The following KIAA0232 variants were observed in gnomAD, a reference collection of about 807,000 sequenced individuals.
KIAA0232 encodes the protein KIAA0232.
KIAA0232 carries 27 observed loss-of-function variants against 122.0 expected under a neutral mutation model. The ratio of observed to expected loss-of-function variants is 0.22; its 90% CI spans 0.16 to 0.31. The LOEUF (loss-of-function observed/expected upper bound fraction) is 0.31, where lower values mean the gene tolerates loss of function less well. KIAA0232 is among the 10% of genes least tolerant of loss of function. The probability of loss-of-function intolerance (pLI) is 1.00; values close to 1 mark genes in which losing one functional copy is unlikely to be tolerated. For synonymous variants in KIAA0232, 613 were observed against 587.6 expected, an observed-to-expected ratio of 1.04 and a Z score of -0.63; for missense variants, 1,551 against 1,634.2, an observed-to-expected ratio of 0.95 and a Z score of 0.88.
chr4:6,864,137 T>G lies in KIAA0232; in HGVS notation c.3755T>G (p.Phe1252Cys), dbSNP rs761983498. The G allele has an allele frequency of 6.2e-7, 1 of 1,613,954 alleles. No individual in the cohort carries two copies. The highest frequency in any genetic ancestry group is 1.3e-5 in the African/African-American group (1 of 74,916). ...TGTGGTTGCAAAGCAGGTTGTCAGT[T>G]TCCTGCTTATGAAGATAATCCAGTT... is the stretch of plus-strand genomic sequence containing the variant. ...NFCGCKAGCQ[F>C]PAYEDNPVSS... is the part of the protein sequence containing the mutation. Residue 1252 changes from phenylalanine to cysteine, a missense_variant, in exon 7 of 10, where the codon TTT becomes TGT. Coordinates refer to ENST00000307659, the MANE Select transcript of KIAA0232 (RefSeq NM_014743.3).
chr4:6,786,205 A>G (rs1468665746), intron 1 of KIAA0232, among the ~76,000 whole-genome samples: 1 of 152,230 alleles, frequency 6.6e-6, no homozygotes, highest in Non-Finnish European at 1.5e-5. Flanking sequence ...AATGTTTGCT[A>G]AATAAAGTCA....
At chr4:6,834,387 G>A (rs1719157427) in intron 3 of KIAA0232, among the ~76,000 whole-genome samples, 1 of 152,196 alleles carries the variant, frequency 6.6e-6, no homozygotes. Flanking sequence ...TAAGTGCTCA[G>A]TAAATATTGA....
intron 1 of KIAA0232, among the ~76,000 whole-genome samples, chr4:6,800,749 G>A (rs1717353308): frequency 6.6e-6 from 1 of 152,122 alleles, no homozygotes; most frequent in African/African-American, 2.4e-5. Flanking sequence ...TGTAAATGAA[G>A]TAAGCAGAAT....
intron 3 of KIAA0232, among the ~76,000 whole-genome samples, chr4:6,837,708 T>A (rs146375936): frequency 1.2e-3 from 186 of 152,318 alleles, no homozygotes; most frequent in African/African-American, 3.8e-3. Flanking sequence ...GGTCAGAAGC[T>A]GGAGACCAGC....
intron 8 of KIAA0232, among the ~76,000 whole-genome samples, chr4:6,875,926 T>G (rs1370341773): frequency 6.6e-6 from 1 of 152,170 alleles, no homozygotes; most frequent in Non-Finnish European, 1.5e-5. Flanking sequence ...TTTCAGAAAG[T>G]GCCCAGCCCC....
At chr4:6,808,226 GT>G (rs1221364146) in intron 2 of KIAA0232, among the ~76,000 whole-genome samples, 1 of 151,760 alleles carries the variant, frequency 6.6e-6, no homozygotes, top group Non-Finnish European at 1.5e-5. Flanking sequence ...TCAAATATCT[GT>G]TTTCTTTATG....
In KIAA0232 at chr4:6,857,508, T is replaced by G. The variant is rs111777937; in HGVS notation, c.436+278T>G. Among the ~76,000 whole-genome samples the G allele has an allele frequency of 6.6e-3, 999 of 152,252 alleles. 8 individuals are homozygous for G. The highest frequency in any genetic ancestry group is 0.023 in the African/African-American group (937 of 41,528). On this transcript the variant is annotated intron_variant, in intron 5 of 9. Coordinates refer to ENST00000307659, the MANE Select transcript of KIAA0232 (RefSeq NM_014743.3). Reference sequence around the variant, plus strand: ...GAAACACTTCATGGTTTTCTGTTTTTTGGGTTTTTTTAATTGTTGTTGGCT... The same window carrying G: ...GAAACACTTCATGGTTTTCTGTTTTGTGGGTTTTTTTAATTGTTGTTGGCT...
At position 6,880,875 on chromosome 4, in the gene KIAA0232, C is replaced by G. The variant is rs751449236; in HGVS notation, c.4097C>G (p.Ala1366Gly). Residue 1366 changes from alanine (A) to glycine (G), a missense_variant, in exon 10 of 10, where the codon GCC (alanine) becomes GGC (glycine). Physicochemically the swap from Ala to Gly is moderately conservative, Grantham distance 60. This residue lies in a region of KIAA0232 where 1,108 missense variants were observed against 1,154.8 expected (regional missense o/e 0.96). Coordinates refer to ENST00000307659, the MANE Select transcript of KIAA0232 (RefSeq NM_014743.3). Reference protein sequence around the residue: ...DGFRGKMCSSASSTSEETGSE... With the variant: ...DGFRGKMCSSGSSTSEETGSE... ...TTCCGCGGAAAGATGTGCTCCAGCG[C>G]CAGCTCCACCTCGGAAGAGACAGGC... 6.2e-7 allele frequency: 1 copy of G among 1,607,192 alleles called. No individual in the cohort carries two copies. The highest frequency in any genetic ancestry group is 1.3e-5 in the African/African-American group (1 of 74,854).
In KIAA0232 at chr4:6,824,307, G is replaced by A; in HGVS notation, c.-147G>A. 1 of 682,426 alleles carries A rather than the reference G, an allele frequency of 1.5e-6. No individual in the cohort carries two copies. The allele number at this position is 682,426 out of a possible 1,614,324, so 42.3% of individuals were successfully genotyped here. ...GCCTGAAGAGGGAAAGTCTGTTTTA[G>A]GTGGCTGACTACCAGCAAAAATAAA... On this transcript the variant is annotated 5_prime_UTR_variant, in exon 3 of 10. Transcript: ENST00000307659.
intron 3 of KIAA0232, 51 bp downstream of exon 3, chr4:6,824,735 T>A: frequency 6.8e-7 from 1 of 1,466,766 alleles, no homozygotes; most frequent in Non-Finnish European, 9.5e-7. Flanking sequence ...TCTGTATGTA[T>A]ACATTCCTCT....
At chr4:6,851,968 A>G (rs890193357) in intron 4 of KIAA0232, among the ~76,000 whole-genome samples, 1 of 152,100 alleles carries the variant, frequency 6.6e-6, no homozygotes, top group Non-Finnish European at 1.5e-5. Context: ...CCTTTTTCTA[A>G]GCCTCGATTG....
In KIAA0232 at chr4:6,862,331, T is replaced by A. The variant is rs1050771440; in HGVS notation, c.1949T>A (p.Val650Glu). 5 of 1,614,162 alleles carry A rather than the reference T, an allele frequency of 3.1e-6. No homozygotes were observed. The highest frequency in any genetic ancestry group is 3.4e-6 in the Non-Finnish European group (4 of 1,180,022). ...TCTGGTATAAACTCTTGTTTTTCAGTGTTTGAAGTGCAATGCAGTAATTCT... is the reference window on the plus strand; with the variant it reads ...TCTGGTATAAACTCTTGTTTTTCAGAGTTTGAAGTGCAATGCAGTAATTCT... ...EGSGINSCFS[V>E]FEVQCSNSVL... The change falls in exon 7 of 10, where the codon GTG becomes GAG. Residue 650 changes from valine (V) to glutamate (E), a missense_variant. By Grantham distance (121) the Val-to-Glu change is moderately radical (BLOSUM62 -2). This residue lies in a region of KIAA0232 where 1,108 missense variants were observed against 1,154.8 expected (regional missense o/e 0.96). Transcript: ENST00000307659.
At chr4:6,817,954 A>T (rs917413257) in intron 2 of KIAA0232, among the ~76,000 whole-genome samples, 96 of 152,264 alleles carry the variant, frequency 6.3e-4, no homozygotes, top group African/African-American at 1.3e-3. Flanking sequence ...TTTTGCGCCA[A>T]AATCTACTTT....
At chr4:6,836,960 G>T (rs963805911) in intron 3 of KIAA0232, among the ~76,000 whole-genome samples, 1 of 152,154 alleles carries the variant, frequency 6.6e-6, no homozygotes, top group Non-Finnish European at 1.5e-5. Flanking sequence ...ACACAGACAC[G>T]GTAACAATCT....
At chr4:6,810,834 T>A (rs1435702026) in intron 2 of KIAA0232, among the ~76,000 whole-genome samples, 1 of 152,112 alleles carries the variant, frequency 6.6e-6, no homozygotes, top group African/African-American at 2.4e-5. Context: ...GAAGAAAAGC[T>A]CAGCATCACC....
chr4:6,877,282 T>C (rs1277474784), intron 9 of KIAA0232, among the ~76,000 whole-genome samples: 2 of 152,176 alleles, frequency 1.3e-5, no homozygotes, highest in African/African-American at 4.8e-5. Context: ...TGCGTTCCGT[T>C]TCTGCATGTC....
At position 6,871,554 on chromosome 4, in the gene KIAA0232, A is replaced by G. The variant is rs760976424; in HGVS notation, c.3802-20A>G. ...CTGAAAGTTTATAAACTTTTTCTGTATTTGGTTTAATCTAAACAGTTCCCT... is the reference window on the plus strand; with the variant it reads ...CTGAAAGTTTATAAACTTTTTCTGTGTTTGGTTTAATCTAAACAGTTCCCT... On this transcript the variant is annotated intron_variant, in intron 7 of 9. Transcript: ENST00000307659. 1 of 1,362,426 alleles carries G rather than the reference A, an allele frequency of 7.3e-7. No individual in the cohort carries two copies. The highest frequency in any genetic ancestry group is 1.0e-6 in the Non-Finnish European group (1 of 967,088). 84.4% of individuals were successfully genotyped at this position (1,362,426 alleles called of 1,614,324 possible).
At chr4:6,880,731 A>C in intron 9 of KIAA0232, 56 bp from the exon 10 acceptor site, 2 of 1,224,932 alleles carry the variant, frequency 1.6e-6, no homozygotes, top group Non-Finnish European at 2.2e-6. Context: ...AGAGTATCTC[A>C]CCCTTTTGGG....
intron 1 of KIAA0232, among the ~76,000 whole-genome samples, chr4:6,786,171 C>T (rs1471868926): frequency 6.6e-6 from 1 of 152,192 alleles, no homozygotes; most frequent in Non-Finnish European, 1.5e-5. Context: ...AACATAAGTG[C>T]TTAATGTTAA....
Sources: gnomAD v4.1 joint callset for allele counts (sites outside exome capture counted in the v4.1 genomes callset) on GRCh38, gnomAD v4.1.1 for gene constraint, gnomAD v4.1.1 regional missense constraint, MANE v1.5 for transcripts, NCBI Gene and HGNC (gene_info 2026-07-23, HGNC 2026-07-21) for gene names.